The following ANK2 variants were observed in gnomAD, a reference collection of about 807,000 sequenced individuals.
ANK2 encodes the protein ankyrin-2.
In ANK2, 83 loss-of-function variants were observed where a neutral mutation model predicts 360.5. The observed-to-expected ratio is 0.23, with a 90% confidence interval of 0.19 to 0.28. The LOEUF (loss-of-function observed/expected upper bound fraction) is 0.28. ANK2 is among the 10% of genes least tolerant of loss of function. The pLI is 1.00. For missense variants in ANK2, 4,201 were observed against 4,795.7 expected, an observed-to-expected ratio of 0.88 and a Z score of 3.66; for synonymous variants, 1,740 against 1,759.5, an observed-to-expected ratio of 0.99 and a Z score of 0.28.
intron 1 of ANK2, among the ~76,000 whole-genome samples, chr4:113,147,113 C>T (rs2096862766): frequency 6.6e-6 from 1 of 152,064 alleles, no homozygotes; most frequent in Non-Finnish European, 1.5e-5. Context: ...AACAGAAAGC[C>T]CTGTCGTGAA....
At chr4:112,845,365 C>T (rs1328485424) in intron 1 of ANK2, among the ~76,000 whole-genome samples, 3 of 150,262 alleles carry the variant, frequency 2.0e-5, no homozygotes. Context: ...CTTCAGGATG[C>T]AGCAAATAGG....
chr4:113,178,898 T>C (rs2153232767), intron 2 of ANK2, among the ~76,000 whole-genome samples: 1 of 152,342 alleles, frequency 6.6e-6, no homozygotes, highest in Non-Finnish European at 1.5e-5. Flanking sequence ...TGCTGCAGGA[T>C]ATCTTTTTGA....
At chr4:113,160,300 A>G (rs1484573375) in intron 1 of ANK2, 1 of 412,584 alleles carries the variant, frequency 2.4e-6, no homozygotes, top group Non-Finnish European at 4.8e-6. Context: ...CCTGGAGCTC[A>G]AGTGATCCTC....
chr4:112,994,602 A>G (rs927306632), intron 2 of ANK2, among the ~76,000 whole-genome samples: 1 of 152,192 alleles, frequency 6.6e-6, no homozygotes, highest in Non-Finnish European at 1.5e-5. Flanking sequence ...TTGGATTTTT[A>G]AAAAATTTCA....
the ANK2 span, among the ~76,000 whole-genome samples, chr4:112,719,591 T>A: frequency 6.6e-6 from 1 of 151,340 alleles, no homozygotes; most frequent in Non-Finnish European, 1.5e-5. Context: ...AGCCAGGCGT[T>A]GTGGTGGGCG....
chr4:112,873,201 T>C (rs1428166175), intron 1 of ANK2, among the ~76,000 whole-genome samples: 1 of 152,056 alleles, frequency 6.6e-6, no homozygotes, highest in Non-Finnish European at 1.5e-5. Flanking sequence ...GAAAATTCTC[T>C]ATTTAGTTTA....
intron 18 of ANK2, among the ~76,000 whole-genome samples, chr4:113,285,381 C>G (rs982308527): frequency 2.6e-5 from 4 of 152,162 alleles, no homozygotes; most frequent in Non-Finnish European, 4.4e-5. Flanking sequence ...TGCACAGACA[C>G]CAATCACAAG....
rs933246903 is a variant in ANK2, at chr4:112,957,543, C to T, written c.21+53029C>T. Reference sequence around the variant, plus strand: ...TGAGCTGTTGGGTACACCTCCCAGACGGGGTGGTGGCCGGGCAGAAGGGCT... The same window carrying T: ...TGAGCTGTTGGGTACACCTCCCAGATGGGGTGGTGGCCGGGCAGAAGGGCT... On this transcript the variant is annotated intron_variant, in intron 2 of 30. Transcript: ENST00000503271. 1.4e-4 allele frequency among the ~76,000 whole-genome samples: 22 copies of T among 152,224 alleles called. No individual in the cohort carries two copies. In the South Asian group the frequency reaches 2.9e-3, roughly 20 times the overall value.
At position 113,273,766 on chromosome 4, in the gene ANK2, C is replaced by T. The variant is rs144745977; in HGVS notation, c.1486-686C>T. Among the ~76,000 whole-genome samples the T allele has an allele frequency of 2.4e-3, 368 of 152,322 alleles. 3 individuals carry two copies. The highest frequency in any genetic ancestry group is 8.2e-3 in the African/African-American group (342 of 41,558). On this transcript the variant is annotated intron_variant, in intron 14 of 45. Coordinates refer to ENST00000357077, the MANE Select transcript of ANK2 (RefSeq NM_001148.6). ...CCTGAGCCTCCTGGAACATGTCCTT[C>T]CTGTCCCTTAGACCCAGCTATATCC...
chr4:112,839,707 A>G (rs930030519), intron 1 of ANK2, among the ~76,000 whole-genome samples: 1 of 152,172 alleles, frequency 6.6e-6, no homozygotes, highest in Non-Finnish European at 1.5e-5. Flanking sequence ...TATTTTTTCA[A>G]TTGTTTTACA....
intron 45 of ANK2, among the ~76,000 whole-genome samples, chr4:113,374,474 C>T (rs895041754): frequency 6.6e-6 from 1 of 152,172 alleles, no homozygotes; most frequent in African/African-American, 2.4e-5. Flanking sequence ...AGTTTCTTCA[C>T]ATATTATTAT....
chr4:113,114,661 T>C (rs969815388), intron 1 of ANK2, among the ~76,000 whole-genome samples: 1 of 152,204 alleles, frequency 6.6e-6, no homozygotes, highest in Non-Finnish European at 1.5e-5. Flanking sequence ...AACTGTTTGA[T>C]TTTACAAGAG....
At chr4:113,361,846 T>C (rs1167695271) in intron 39 of ANK2, among the ~76,000 whole-genome samples, 1 of 152,130 alleles carries the variant, frequency 6.6e-6, no homozygotes, top group Non-Finnish European at 1.5e-5. Flanking sequence ...TTTTTAAATA[T>C]GTTTGTATCC....
the ANK2 span, among the ~76,000 whole-genome samples, chr4:112,719,483 C>T: frequency 6.6e-6 from 1 of 152,078 alleles, no homozygotes; most frequent in African/African-American, 2.4e-5. Flanking sequence ...AATCCCAGCA[C>T]TTTGGGAGGC....
intron 5 of ANK2, among the ~76,000 whole-genome samples, chr4:113,235,385 C>T (rs1190650127): frequency 6.6e-6 from 1 of 152,074 alleles, no homozygotes; most frequent in Non-Finnish European, 1.5e-5. Flanking sequence ...ATTGCTGGTA[C>T]TGCACATTGA....
At chr4:113,175,015 C>G (rs921384742) in intron 2 of ANK2, among the ~76,000 whole-genome samples, 6 of 152,216 alleles carry the variant, frequency 3.9e-5, no homozygotes, top group African/African-American at 1.2e-4. Context: ...ATGTCCATTT[C>G]ATAAGGACTT....
the ANK2 span, among the ~76,000 whole-genome samples, chr4:112,809,447 G>A: frequency 6.6e-6 from 1 of 151,176 alleles, no homozygotes; most frequent in Non-Finnish European, 1.5e-5. Context: ...TGTAGTCCCA[G>A]CTACTCCGGA....
chr4:113,123,605 C>T (rs1407688851), intron 1 of ANK2, among the ~76,000 whole-genome samples: 2 of 152,104 alleles, frequency 1.3e-5, no homozygotes, highest in Non-Finnish European at 2.9e-5. Flanking sequence ...CCCTTTTGCT[C>T]CAAAGGTGAG....
At position 113,177,326 on chromosome 4, in the gene ANK2, C is replaced by T. The variant is rs1406975240; in HGVS notation, c.186+2809C>T. ...CGATCTCCTGACCTCGTGATCAGCC[C>T]GCCTCGGCCTCCCAAAGTGCTGGGA... On this transcript the variant is annotated intron_variant, in intron 2 of 45. Transcript: ENST00000357077. Among the ~76,000 whole-genome samples the T allele has an allele frequency of 5.9e-5, 9 of 152,034 alleles. No homozygotes were observed. The East Asian group carries it at 1.2e-3, about 20-fold the overall frequency.
Sources: allele counts gnomAD v4.1 joint callset (sites outside exome capture counted in the v4.1 genomes callset), GRCh38; gene constraint gnomAD v4.1.1; transcripts MANE v1.5; gene names NCBI Gene and HGNC (gene_info 2026-07-23, HGNC 2026-07-21).